Variants in CCDC38 observed in about 807,000 individuals in gnomAD.
The protein encoded by CCDC38 is coiled-coil domain containing 38.
In CCDC38, 69 loss-of-function variants were observed where a neutral mutation model predicts 72.8. The ratio of observed to expected loss-of-function variants is 0.95; its 90% CI spans 0.78 to 1.16. CCDC38 has a LOEUF of 1.16. Ranked by LOEUF, CCDC38 falls within the 50% of genes most tolerant of loss-of-function variation. CCDC38 has a pLI of 0.00. For missense variants in CCDC38, 626 were observed against 638.9 expected (o/e 0.98, Z 0.22); for synonymous variants, 201 against 213.2 (o/e 0.94, Z 0.50).
chr12:95,902,920 A>T (rs1029926646), intron 5 of CCDC38, among the ~76,000 whole-genome samples: 2 of 152,130 alleles, frequency 1.3e-5, no homozygotes, highest in African/African-American at 4.8e-5. Context: ...TACAAGAAAG[A>T]CGCCTGGGAT....
At chr12:95,927,898 C>T (rs572151099) in intron 2 of CCDC38, among the ~76,000 whole-genome samples, 9 of 149,748 alleles carry the variant, frequency 6.0e-5, no homozygotes, top group South Asian at 2.2e-4. Context: ...GGGTTTCTGC[C>T]GAGAGATCCA....
chr12:95,903,371 T>C lies in CCDC38; in HGVS notation c.369+3016A>G, dbSNP rs1386633181. ...TAATTCTTCATTTCCAATCTAAATG[T>C]CTTTCATTTTTTTTTCTTGTCTTAT... On this transcript the variant is annotated intron_variant, in intron 5 of 15. Transcript: ENST00000344280. The C allele has an allele frequency of 1.0e-5, 7 of 692,428 alleles. No individual in the cohort carries two copies. The African/African-American group carries it at 1.1e-4, about 10-fold the overall frequency. The allele number at this position is 692,428 out of a possible 1,614,324, so 42.9% of individuals were successfully genotyped here.
intron 1 of CCDC38, among the ~76,000 whole-genome samples, chr12:95,940,420 A>C (rs1400142460): frequency 2.0e-5 from 3 of 151,730 alleles, no homozygotes; most frequent in Non-Finnish European, 4.4e-5. Flanking sequence ...ACCAGATATT[A>C]TTCGAATCAG....
At chr12:95,929,764 A>G (rs925525627) in intron 2 of CCDC38, among the ~76,000 whole-genome samples, 2 of 152,206 alleles carry the variant, frequency 1.3e-5, no homozygotes, top group African/African-American at 4.8e-5. Flanking sequence ...ATAAGATATC[A>G]CAAAATTGGT....
intron 5 of CCDC38, among the ~76,000 whole-genome samples, chr12:95,901,068 C>G (rs2079945303): frequency 6.6e-6 from 1 of 152,146 alleles, no homozygotes; most frequent in African/African-American, 2.4e-5. Context: ...GCAGGAGACC[C>G]AGGTTTAGAA....
chr12:95,908,266 C>G (rs1252087615), intron 4 of CCDC38, among the ~76,000 whole-genome samples: 1 of 151,358 alleles, frequency 6.6e-6, no homozygotes, highest in Non-Finnish European at 1.5e-5. Context: ...TGGAGACCAG[C>G]CCGGCCAACA....
chr12:95,876,868 A>G (rs7976294), intron 13 of CCDC38, among the ~76,000 whole-genome samples: 120,142 of 152,088 alleles, frequency 0.79, 47,921 homozygotes, highest in African/African-American at 0.84. Context: ...CACTAACGCA[A>G]GCCTCCTTAA....
At chr12:95,931,019 G>A (rs577450224) in intron 2 of CCDC38, among the ~76,000 whole-genome samples, 103 of 152,242 alleles carry the variant, frequency 6.8e-4, no homozygotes, top group Middle Eastern at 3.4e-3. Flanking sequence ...CACTGTATTA[G>A]TTTCCTATTG....
chr12:95,874,356 G>A (rs936077687), intron 13 of CCDC38, among the ~76,000 whole-genome samples: 3 of 152,196 alleles, frequency 2.0e-5, no homozygotes, highest in South Asian at 4.1e-4. Flanking sequence ...AGATGGATGA[G>A]CAGGGCAGTG....
At chr12:95,895,910 G>A (rs918614481) in intron 7 of CCDC38, among the ~76,000 whole-genome samples, 1 of 151,702 alleles carries the variant, frequency 6.6e-6, no homozygotes, top group African/African-American at 2.4e-5. Context: ...ACAAAAATTA[G>A]CCAGGCGTGG....
At chr12:95,896,355 T>A (rs190308338) in intron 7 of CCDC38, among the ~76,000 whole-genome samples, 29 of 152,246 alleles carry the variant, frequency 1.9e-4, no homozygotes, top group Non-Finnish European at 5.9e-5. Context: ...AGTAATTACA[T>A]TACAAAGTGG....
intron 13 of CCDC38, 91 bp downstream of exon 13, chr12:95,878,120 T>G: frequency 1.4e-6 from 2 of 1,431,678 alleles, no homozygotes; most frequent in Non-Finnish European, 1.9e-6. Flanking sequence ...GTGATTTGCT[T>G]TAACTCTCCT....
chr12:95,907,465 C>A (rs1156839377), intron 4 of CCDC38, among the ~76,000 whole-genome samples: 1 of 119,464 alleles, frequency 8.4e-6, no homozygotes, highest in Non-Finnish European at 1.7e-5. Flanking sequence ...GACCCCCCCA[C>A]CTCCCTCCCG....
chr12:95,941,313 A>C (rs890441396), intron 1 of CCDC38, among the ~76,000 whole-genome samples: 1 of 152,248 alleles, frequency 6.6e-6, no homozygotes, highest in Non-Finnish European at 1.5e-5. Flanking sequence ...CCAGGAAGAC[A>C]AATAGCAGGA....
chr12:95,910,064 A>G (rs1592786772), intron 4 of CCDC38, among the ~76,000 whole-genome samples: 2 of 152,178 alleles, frequency 1.3e-5, no homozygotes, highest in South Asian at 4.1e-4. Context: ...CAATCCAGCA[A>G]GAGAAAGAAA....
intron 2 of CCDC38, among the ~76,000 whole-genome samples, chr12:95,924,800 C>T (rs2080250578): frequency 6.9e-6 from 1 of 145,890 alleles, no homozygotes; most frequent in Non-Finnish European, 1.5e-5. Context: ...ATAGGGAATC[C>T]TTTCCCCATT....
intron 3 of CCDC38, 98 bp from the exon 4 acceptor site, chr12:95,917,392 T>C (rs1397965559): frequency 9.6e-7 from 1 of 1,046,158 alleles, no homozygotes; most frequent in African/African-American, 1.7e-5. Flanking sequence ...GCAACAAAAA[T>C]CTTAACATTA....
At chr12:95,877,800 C>T (rs959404433) in intron 13 of CCDC38, among the ~76,000 whole-genome samples, 1 of 152,128 alleles carries the variant, frequency 6.6e-6, no homozygotes, top group Non-Finnish European at 1.5e-5. Context: ...AGTACAGGCT[C>T]AGTGTTGGGA....
chr12:95,929,112 G>A (rs2080307228), intron 2 of CCDC38, among the ~76,000 whole-genome samples: 1 of 152,234 alleles, frequency 6.6e-6, no homozygotes, highest in African/African-American at 2.4e-5. Flanking sequence ...GCAAGCCTGG[G>A]CAATGGCGGG....
Sources: allele counts gnomAD v4.1 joint callset (sites outside exome capture counted in the v4.1 genomes callset), GRCh38; gene constraint gnomAD v4.1.1; transcripts MANE v1.5; gene names NCBI Gene and HGNC (gene_info 2026-07-23, HGNC 2026-07-21).